DSCAM: variants seen among roughly 807,000 people sequenced by gnomAD.
The protein encoded by DSCAM is DS cell adhesion molecule.
A neutral mutation model predicts 217.7 loss-of-function variants in DSCAM; 47 were observed. The observed-to-expected ratio is 0.22, with a 90% CI of 0.17 to 0.28. The LOEUF (loss-of-function observed/expected upper bound fraction) is 0.28, where lower values mean the gene tolerates loss of function less well. DSCAM is among the 10% of genes least tolerant of loss of function. The probability of loss-of-function intolerance (pLI) is 1.00; values close to 1 mark genes in which losing one functional copy is unlikely to be tolerated. For synonymous variants in DSCAM, 1,056 were observed against 1,015.3 expected, an observed-to-expected ratio of 1.04 and a Z score of -0.76; for missense variants, 2,080 against 2,618.3, an observed-to-expected ratio of 0.79 and a Z score of 4.49.
intron 1 of DSCAM, among the ~76,000 whole-genome samples, chr21:40,775,547 G>T (rs1424058075): frequency 6.6e-6 from 1 of 152,168 alleles, no homozygotes; most frequent in Non-Finnish European, 1.5e-5. Flanking sequence ...AAAGCTGTCA[G>T]CAACAAAAGC....
intron 3 of DSCAM, among the ~76,000 whole-genome samples, chr21:40,548,290 A>G (rs979345544): frequency 2.6e-5 from 4 of 152,010 alleles, no homozygotes; most frequent in Non-Finnish European, 4.4e-5. Context: ...GAGTTTAATT[A>G]CCGCCCTCCC....
chr21:40,624,215 C>T (rs1252132137), intron 3 of DSCAM, among the ~76,000 whole-genome samples: 1 of 152,160 alleles, frequency 6.6e-6, no homozygotes, highest in African/African-American at 2.4e-5. Flanking sequence ...TACTAACATG[C>T]AAACTCATCA....
At chr21:40,534,228 T>C (rs1387273180) in intron 3 of DSCAM, among the ~76,000 whole-genome samples, 1 of 152,218 alleles carries the variant, frequency 6.6e-6, no homozygotes, top group Non-Finnish European at 1.5e-5. Context: ...TGACCCCAGG[T>C]GGCAAAATCA....
chr21:40,586,185 G>A (rs964880519), intron 3 of DSCAM, among the ~76,000 whole-genome samples: 4 of 152,078 alleles, frequency 2.6e-5, no homozygotes, highest in Non-Finnish European at 4.4e-5. Flanking sequence ...TTCTTGCCAT[G>A]GGATCTCTGT....
intron 10 of DSCAM, among the ~76,000 whole-genome samples, chr21:40,290,054 C>G (rs938081338): frequency 2.0e-5 from 3 of 151,848 alleles, no homozygotes; most frequent in African/African-American, 7.3e-5. Context: ...ACATGGAGAA[C>G]AGAAATGGAA....
chr21:40,661,146 T>C (rs1006772130), intron 3 of DSCAM, among the ~76,000 whole-genome samples: 5 of 152,198 alleles, frequency 3.3e-5, no homozygotes, highest in Non-Finnish European at 2.9e-5. Context: ...ATAGGAAATC[T>C]AAGAAAAATC....
chr21:40,437,329 C>G (rs1801396285), intron 3 of DSCAM, among the ~76,000 whole-genome samples: 1 of 152,128 alleles, frequency 6.6e-6, no homozygotes, highest in Admixed American at 6.5e-5. Flanking sequence ...CTCGGGGCTC[C>G]ACCAAGGTGT....
At chr21:40,326,961 CT>C (rs1275562681) in intron 8 of DSCAM, among the ~76,000 whole-genome samples, 4 of 149,470 alleles carry the variant, frequency 2.7e-5, no homozygotes, top group African/African-American at 9.8e-5. Flanking sequence ...ATTTATATAT[CT>C]TTATATTTAA....
chr21:40,213,010 C>T (rs573681917), intron 11 of DSCAM, among the ~76,000 whole-genome samples: 5 of 152,294 alleles, frequency 3.3e-5, no homozygotes, highest in African/African-American at 1.2e-4. Context: ...GCCCTCAGAG[C>T]CTCCAGAAGG....
intron 28 of DSCAM, among the ~76,000 whole-genome samples, chr21:40,058,586 C>A (rs369234364): frequency 1.3e-5 from 2 of 152,124 alleles, no homozygotes; most frequent in Non-Finnish European, 2.9e-5. Flanking sequence ...GAGGGCACAA[C>A]GTGAGCTGAG....
intron 32 of DSCAM, among the ~76,000 whole-genome samples, chr21:40,030,529 G>T (rs1034045889): frequency 5.3e-5 from 8 of 152,118 alleles, no homozygotes; most frequent in African/African-American, 1.9e-4. Flanking sequence ...AAAGATAAAG[G>T]CCAGGAGATA....
chr21:40,470,540 C>T (rs939737870), intron 3 of DSCAM, among the ~76,000 whole-genome samples: 4 of 152,194 alleles, frequency 2.6e-5, no homozygotes, highest in East Asian at 1.9e-4. Flanking sequence ...CTTAGTCATG[C>T]ACCTGAAGTG....
At chr21:40,559,786 C>CTTTTTTT (rs548599799) in intron 3 of DSCAM, among the ~76,000 whole-genome samples, 4 of 109,410 alleles carry the variant, frequency 3.7e-5, no homozygotes, top group African/African-American at 3.4e-5. Context: ...AATTTTCTGT[C>CTTTTTTT]TTTTTTTTTT....
chr21:40,843,368 ATGTGTGTGTGTGTGTGTG>A (rs36229663), intron 1 of DSCAM, among the ~76,000 whole-genome samples: 2 of 146,050 alleles, frequency 1.4e-5, no homozygotes, highest in African/African-American at 5.0e-5. Context: ...GAATGCATGC[ATGTGTGTGTGTGTGTGTG>A]TGTGTGTGTG....
intron 3 of DSCAM, among the ~76,000 whole-genome samples, chr21:40,502,912 AT>A (rs11455978): frequency 2.6e-5 from 4 of 152,030 alleles, no homozygotes; most frequent in African/African-American, 7.2e-5. Context: ...ATTATGTATA[AT>A]TTTTTTTATT....
chr21:40,688,010 C>T (rs916838012), intron 3 of DSCAM, among the ~76,000 whole-genome samples: 7 of 152,092 alleles, frequency 4.6e-5, no homozygotes, highest in Non-Finnish European at 8.8e-5. Flanking sequence ...AAATTGTTCA[C>T]GTTTAGCCAA....
chr21:40,750,895 G>A lies in DSCAM; in HGVS notation c.44-42124C>T, dbSNP rs115357707. Among the ~76,000 whole-genome samples the A allele has an allele frequency of 3.1e-3, 479 of 152,138 alleles. 1 individual carries two copies. Among genetic ancestry groups the A allele is most frequent in the African/African-American group, 0.01 (427 of 41,494 alleles). ...TTTCCCCATGTCCACACCATCTCTC[G>A]TTAGAATGACTAAAATGACTCCCAC... is the stretch of plus-strand genomic sequence containing the variant. On this transcript the variant is annotated intron_variant, in intron 1 of 32. Transcript: ENST00000400454.
At chr21:40,300,531 G>T (rs902691236) in intron 9 of DSCAM, among the ~76,000 whole-genome samples, 3 of 152,154 alleles carry the variant, frequency 2.0e-5, no homozygotes, top group African/African-American at 7.2e-5. Context: ...TGCACTAAGG[G>T]GATGCGGCCC....
rs2089797983 is a variant in DSCAM at position 40,637,414 on chromosome 21, T to TATATATAA, written c.508+55395_508+55396insTTATATAT. On this transcript the variant is annotated intron_variant, in intron 3 of 32. Coordinates refer to ENST00000400454, the MANE Select transcript of DSCAM (RefSeq NM_001389.5). ...ATATATAAATATATATAAATATAAA[T>TATATATAA]ATATATATAAATATATAAATATAAA... 8.0e-4 allele frequency among the ~76,000 whole-genome samples: 4 copies of TATATATAA among 4,978 alleles called. 2 individuals are homozygous for TATATATAA. In the East Asian group the frequency reaches 0.029, roughly 36 times the overall value. The allele number at this position is 4,978 out of a possible 152,430, so 3.3% of individuals were successfully genotyped here.
Sources: allele counts gnomAD v4.1 joint callset (sites outside exome capture counted in the v4.1 genomes callset), GRCh38; gene constraint gnomAD v4.1.1; transcripts MANE v1.5; gene names NCBI Gene and HGNC (gene_info 2026-07-23, HGNC 2026-07-21).